Variants in CWC27 observed in about 807,000 individuals in gnomAD.
The protein encoded by CWC27 is spliceosome-associated protein CWC27 homolog.
Under a neutral mutation model 63.6 loss-of-function variants are expected in CWC27, and 47 were observed. The ratio of observed to expected loss-of-function variants is 0.74; its 90% CI spans 0.58 to 0.94. The LOEUF (loss-of-function observed/expected upper bound fraction) is 0.94, where lower values mean the gene tolerates loss of function less well. Ranked by LOEUF, CWC27 falls within the 40% of genes least tolerant of loss-of-function variation. CWC27 has a pLI of 0.00. For missense variants in CWC27, 495 were observed against 554.3 expected (o/e 0.89, Z 1.07); for synonymous variants, 175 against 179.8 (o/e 0.97, Z 0.22).
chr5:64,900,078 A>C (rs1226238869), intron 11 of CWC27, among the ~76,000 whole-genome samples: 2 of 152,208 alleles, frequency 1.3e-5, no homozygotes, highest in Non-Finnish European at 2.9e-5. Context: ...TTGCTTGAGC[A>C]AATGTCTGGA....
chr5:64,920,257 C>T (rs1747972235), intron 11 of CWC27, among the ~76,000 whole-genome samples: 1 of 152,174 alleles, frequency 6.6e-6, no homozygotes, highest in Non-Finnish European at 1.5e-5. Context: ...GTGTGAGCCA[C>T]CACACCCACC....
chr5:64,940,842 CTTTTTTTTTTTTTTT>C (rs70983655), intron 11 of CWC27, among the ~76,000 whole-genome samples: 2 of 64,966 alleles, frequency 3.1e-5, no homozygotes, highest in South Asian at 7.2e-4. Context: ...TTCTTTCTTT[CTTTTTTTTTTTTTTT>C]TTTTTTTTTG....
chr5:64,770,657 A>G (rs1743218571), intron 1 of CWC27, among the ~76,000 whole-genome samples: 1 of 152,216 alleles, frequency 6.6e-6, no homozygotes, highest in South Asian at 2.1e-4. Context: ...TGTAAGGAAC[A>G]TAAGGGCAGA....
intron 11 of CWC27, among the ~76,000 whole-genome samples, chr5:64,933,137 T>TA (rs1315013637): frequency 6.6e-6 from 1 of 152,170 alleles, no homozygotes; most frequent in Non-Finnish European, 1.5e-5. Flanking sequence ...TTTCAACTCT[T>TA]ACATTTTCAG....
intron 10 of CWC27, among the ~76,000 whole-genome samples, chr5:64,881,065 A>G (rs753938865): frequency 6.6e-6 from 1 of 152,030 alleles, no homozygotes; most frequent in Non-Finnish European, 1.5e-5. Context: ...AAGATTGGGA[A>G]TCCTAAATTT....
chr5:64,991,639 T>C (rs781551281), intron 13 of CWC27, among the ~76,000 whole-genome samples: 16 of 151,896 alleles, frequency 1.1e-4, no homozygotes, highest in Admixed American at 2.0e-4. Context: ...GGTCGGAGGA[T>C]CACTTGAGCC....
At chr5:64,827,633 G>C (rs1247752772) in intron 10 of CWC27, among the ~76,000 whole-genome samples, 1 of 152,074 alleles carries the variant, frequency 6.6e-6, no homozygotes, top group Non-Finnish European at 1.5e-5. Context: ...TTACCAGATT[G>C]TTGTAATGCT....
intron 11 of CWC27, among the ~76,000 whole-genome samples, chr5:64,911,141 T>G (rs963565108): frequency 6.6e-6 from 1 of 152,178 alleles, no homozygotes; most frequent in African/African-American, 2.4e-5. Context: ...TCTGCAAACT[T>G]GAGGATTGAT....
At chr5:65,017,277 C>T (rs266579) in intron 13 of CWC27, among the ~76,000 whole-genome samples, 9 of 152,060 alleles carry the variant, frequency 5.9e-5, no homozygotes, top group Middle Eastern at 6.8e-3. Context: ...GCCGAGATCG[C>T]GCCACTGCAC....
At chr5:64,787,088 T>A (rs1020667713) in intron 6 of CWC27, among the ~76,000 whole-genome samples, 1 of 152,150 alleles carries the variant, frequency 6.6e-6, no homozygotes, top group African/African-American at 2.4e-5. Context: ...CTCAGTATCA[T>A]GAGAACAGCT....
intron 11 of CWC27, among the ~76,000 whole-genome samples, chr5:64,936,506 A>T (rs1476521642): frequency 6.6e-6 from 1 of 152,180 alleles, no homozygotes; most frequent in Non-Finnish European, 1.5e-5. Context: ...GTTTGCCAGT[A>T]TCTTATTGAG....
chr5:64,975,360 C>G (rs1014907129), intron 12 of CWC27, among the ~76,000 whole-genome samples: 1 of 152,150 alleles, frequency 6.6e-6, no homozygotes, highest in Non-Finnish European at 1.5e-5. Flanking sequence ...CAGTTATTCA[C>G]ATGTTGAACT....
intron 10 of CWC27, among the ~76,000 whole-genome samples, chr5:64,856,040 A>G (rs1257452123): frequency 6.6e-6 from 1 of 152,106 alleles, no homozygotes; most frequent in Non-Finnish European, 1.5e-5. Flanking sequence ...TCATTAGTCC[A>G]AAAGCTTACA....
chr5:64,820,607 G>A (rs1234297394), intron 10 of CWC27, among the ~76,000 whole-genome samples: 1 of 152,054 alleles, frequency 6.6e-6, no homozygotes, highest in Non-Finnish European at 1.5e-5. Flanking sequence ...AGAATACAGA[G>A]TCCACAAGCA....
chr5:64,912,473 AT>A (rs1387741074), intron 11 of CWC27, among the ~76,000 whole-genome samples: 3 of 152,060 alleles, frequency 2.0e-5, no homozygotes, highest in South Asian at 2.1e-4. Flanking sequence ...CTTTTAAGAA[AT>A]TTTTTTTATA....
chr5:64,996,012 A>G (rs956777716), intron 13 of CWC27, among the ~76,000 whole-genome samples: 1 of 152,234 alleles, frequency 6.6e-6, no homozygotes, highest in Non-Finnish European at 1.5e-5. Flanking sequence ...AATGGAAAAG[A>G]TCACATGTGG....
chr5:64,967,295 G>A (rs940227980), intron 11 of CWC27, among the ~76,000 whole-genome samples: 7 of 151,992 alleles, frequency 4.6e-5, no homozygotes, highest in Admixed American at 4.6e-4. Context: ...CCTCAACATG[G>A]CAGGTTAAGT....
chr5:64,983,201 T>C (rs1449307085), intron 13 of CWC27, among the ~76,000 whole-genome samples: 1 of 152,176 alleles, frequency 6.6e-6, no homozygotes. Context: ...ATTAATAATA[T>C]GTTATAAACA....
chr5:64,819,481 T>C (rs892380600), intron 10 of CWC27, among the ~76,000 whole-genome samples: 17 of 152,038 alleles, frequency 1.1e-4, no homozygotes, highest in African/African-American at 3.9e-4. Flanking sequence ...TGGGAGGTAA[T>C]TAATCATGAG....
Sources: allele counts gnomAD v4.1 joint callset (sites outside exome capture counted in the v4.1 genomes callset), GRCh38; gene constraint gnomAD v4.1.1; transcripts MANE v1.5; gene names NCBI Gene and HGNC (gene_info 2026-07-23, HGNC 2026-07-21).